The following ITPR2 variants were observed in gnomAD, a reference collection of about 807,000 sequenced individuals.
ITPR2 encodes the protein inositol 1,4,5-trisphosphate-gated calcium channel ITPR2.
Under a neutral mutation model 317.1 loss-of-function variants are expected in ITPR2, and 207 were observed. That is an observed-to-expected ratio of 0.65 (90% CI 0.58 to 0.73). ITPR2 has a LOEUF of 0.73. ITPR2 is among the 30% of genes least tolerant of loss of function. ITPR2 has a pLI of 0.00. For missense variants in ITPR2, 2,613 were observed against 3,284.0 expected, an observed-to-expected ratio of 0.80 and a Z score of 4.99; for synonymous variants, 1,156 against 1,149.1, an observed-to-expected ratio of 1.01 and a Z score of -0.12.
intron 11 of ITPR2, among the ~76,000 whole-genome samples, chr12:26,685,371 G>A (rs1163110373): frequency 6.6e-6 from 1 of 152,122 alleles, no homozygotes; most frequent in African/African-American, 2.4e-5. Flanking sequence ...TGAGGTGGGT[G>A]GATCCCTCGA....
chr12:26,787,331 A>G (rs1324985913), intron 2 of ITPR2, among the ~76,000 whole-genome samples: 1 of 152,246 alleles, frequency 6.6e-6, no homozygotes, highest in Non-Finnish European at 1.5e-5. Flanking sequence ...AGAAAATGAG[A>G]GTAAACCAGC....
At chr12:26,442,348 A>C (rs1941505210) in intron 46 of ITPR2, among the ~76,000 whole-genome samples, 1 of 152,164 alleles carries the variant, frequency 6.6e-6, no homozygotes, top group Admixed American at 6.6e-5. Flanking sequence ...ATTATCTTCT[A>C]TATGTGTGAA....
intron 21 of ITPR2, among the ~76,000 whole-genome samples, chr12:26,647,971 A>T (rs954976393): frequency 6.6e-6 from 1 of 152,086 alleles, no homozygotes; most frequent in Non-Finnish European, 1.5e-5. Context: ...GCCAACTATA[A>T]GCCATTGTGA....
At chr12:26,544,605 GACACAC>G (rs10648602) in intron 37 of ITPR2, among the ~76,000 whole-genome samples, 8 of 146,480 alleles carry the variant, frequency 5.5e-5, no homozygotes, top group Non-Finnish European at 3.1e-5. Flanking sequence ...GAGACACACA[GACACAC>G]ACACACACAC....
At chr12:26,721,301 C>T (rs1948835916) in intron 5 of ITPR2, 1 of 618,838 alleles carries the variant, frequency 1.6e-6, no homozygotes, top group East Asian at 2.7e-5. Flanking sequence ...GAAGATATCA[C>T]CAGATAATTT....
At chr12:26,538,104 T>C (rs1944150205) in intron 37 of ITPR2, among the ~76,000 whole-genome samples, 2 of 152,226 alleles carry the variant, frequency 1.3e-5, no homozygotes, top group Admixed American at 1.3e-4. Context: ...GACAGTATCA[T>C]GTAGTGATTG....
At chr12:26,694,760 C>T (rs914893122) in intron 10 of ITPR2, among the ~76,000 whole-genome samples, 40 of 152,138 alleles carry the variant, frequency 2.6e-4, no homozygotes, top group African/African-American at 6.8e-4. Flanking sequence ...CCACCCAGTG[C>T]GCTAAAATTG....
At chr12:26,722,674 C>A in intron 4 of ITPR2, 119 bp from the exon 5 acceptor site, 1 of 724,522 alleles carries the variant, frequency 1.4e-6, no homozygotes, top group Non-Finnish European at 2.1e-6. Flanking sequence ...GAAAATTAAA[C>A]AAAGGAGTAT....
chr12:26,705,659 T>A (rs1948537338), intron 9 of ITPR2, among the ~76,000 whole-genome samples: 1 of 152,190 alleles, frequency 6.6e-6, no homozygotes, highest in African/African-American at 2.4e-5. Flanking sequence ...ATTTCCCTCA[T>A]CAATTTGGCA....
chr12:26,748,386 C>T (rs1380389599), intron 2 of ITPR2, among the ~76,000 whole-genome samples: 1 of 152,106 alleles, frequency 6.6e-6, no homozygotes, highest in East Asian at 1.9e-4. Context: ...TTTTATTACA[C>T]TTAATCCTAT....
At chr12:26,769,427 G>A (rs892459762) in intron 2 of ITPR2, among the ~76,000 whole-genome samples, 2 of 151,740 alleles carry the variant, frequency 1.3e-5, no homozygotes, top group African/African-American at 4.8e-5. Context: ...TCAACACCTG[G>A]GAAGGAAAGG....
rs1453937019 is a variant in ITPR2, at chr12:26,461,002, T to C, written c.6342+14294A>G. ...TCATTCCTATCCTGAATCCACTGAA[T>C]GAACATGTGCCTGCTCTGTCAATTG... is the stretch of plus-strand genomic sequence containing the variant. On this transcript the variant is annotated intron_variant, in intron 45 of 56. Coordinates refer to ENST00000381340, the MANE Select transcript of ITPR2 (RefSeq NM_002223.4). 2.0e-5 allele frequency among the ~76,000 whole-genome samples: 3 copies of C among 152,200 alleles called. No homozygotes were observed. In the South Asian group the frequency reaches 6.2e-4, roughly 31 times the overall value.
At chr12:26,665,726 C>A (rs551685763) in intron 14 of ITPR2, among the ~76,000 whole-genome samples, 184 bp downstream of exon 14, 1 of 152,294 alleles carries the variant, frequency 6.6e-6, no homozygotes, top group East Asian at 1.9e-4. Flanking sequence ...TGAGTGAGAT[C>A]TGCCCATGTA....
chr12:26,681,932 C>G lies in ITPR2; in HGVS notation c.1351G>C (p.Val451Leu). Residue 451 changes from valine to leucine, a missense_variant, in exon 13 of 57, where the codon GTA becomes CTA. Around this residue, in one of 9 missense-constraint regions of ITPR2, gnomAD observed 515 missense variants for 789.4 expected, o/e 0.65. Transcript: ENST00000381340. ...AGCTTTTTAACTGTGGTCGCTAGTA[C>G]TTTATTGGCATCATTGGCAAAGTCT... The part of the protein sequence containing the change: ...DLDFANDANK[V>L]LATTVKKLEN... 6.2e-7 allele frequency: 1 copy of G among 1,613,626 alleles called. No individual in the cohort carries two copies. Among genetic ancestry groups the G allele is most frequent in the Non-Finnish European group, 8.5e-7 (1 of 1,179,626 alleles).
At chr12:26,818,341 T>C (rs1176923543) in intron 1 of ITPR2, among the ~76,000 whole-genome samples, 2 of 152,260 alleles carry the variant, frequency 1.3e-5, no homozygotes, top group Non-Finnish European at 2.9e-5. Flanking sequence ...AATGTGATAA[T>C]ACTTTAAAAG....
chr12:26,583,352 T>A (rs1467892116), intron 32 of ITPR2, among the ~76,000 whole-genome samples: 2 of 152,198 alleles, frequency 1.3e-5, no homozygotes, highest in African/African-American at 2.4e-5. Context: ...ACATTTAGTA[T>A]GAGTTTAACA....
At chr12:26,669,630 C>G (rs550213187) in intron 13 of ITPR2, among the ~76,000 whole-genome samples, 3 of 152,290 alleles carry the variant, frequency 2.0e-5, no homozygotes, top group Admixed American at 2.0e-4. Flanking sequence ...AGCAGAAGAC[C>G]GGTGATTTCT....
At chr12:26,814,916 C>T (rs113973958) in intron 1 of ITPR2, among the ~76,000 whole-genome samples, 3,767 of 152,194 alleles carry the variant, frequency 0.025, 67 homozygotes, top group South Asian at 0.052. Context: ...TGATTAGTTA[C>T]TATTTAAAAT....
intron 49 of ITPR2, among the ~76,000 whole-genome samples, chr12:26,423,650 T>A (rs1940960801): frequency 6.6e-6 from 1 of 152,186 alleles, no homozygotes; most frequent in Non-Finnish European, 1.5e-5. Context: ...TTACAAATAA[T>A]TTTAATGGTA....
Sources: allele counts gnomAD v4.1 joint callset (sites outside exome capture counted in the v4.1 genomes callset), GRCh38; gene constraint gnomAD v4.1.1; regional missense constraint gnomAD v4.1.1; transcripts MANE v1.5; gene names NCBI Gene and HGNC (gene_info 2026-07-23, HGNC 2026-07-21).